CARHSP1: variants seen among roughly 807,000 people sequenced by gnomAD.
CARHSP1 encodes calcium-regulated heat-stable protein 1.
In CARHSP1, 14 loss-of-function variants were observed where a neutral mutation model predicts 12.5. The observed-to-expected ratio is 1.12, with a 90% CI of 0.74 to 1.75. CARHSP1 has a LOEUF of 1.75. CARHSP1 is among the 40% of genes most tolerant of loss of function. The probability of loss-of-function intolerance (pLI) is 0.00; values close to 1 mark genes in which losing one functional copy is unlikely to be tolerated. For synonymous variants in CARHSP1, 161 were observed against 82.0 expected (o/e 1.96, Z -5.20); for missense variants, 343 against 201.6 (o/e 1.70, Z -4.25).
At chr16:8,865,277 T>C (rs2061436177) in intron 1 of CARHSP1, among the ~76,000 whole-genome samples, 1 of 151,660 alleles carries the variant, frequency 6.6e-6, no homozygotes, top group Admixed American at 6.6e-5. Context: ...ACCCAGCCAA[T>C]TGTTGTATTT....
At chr16:8,859,646 A>G (rs2061281109) in intron 1 of CARHSP1, among the ~76,000 whole-genome samples, 1 of 151,968 alleles carries the variant, frequency 6.6e-6, no homozygotes, top group South Asian at 2.1e-4. Context: ...TGGGACACAT[A>G]GTATTTGTGG....
At chr16:8,860,302 TCA>T (rs1413841236) in intron 1 of CARHSP1, 1 of 982,832 alleles carries the variant, frequency 1.0e-6, no homozygotes, top group Non-Finnish European at 1.2e-6. Context: ...ACAGCCCGGG[TCA>T]CCACGCTGTT....
chr16:8,858,716 A>G, intron 2 of CARHSP1: 1 of 524,788 alleles, frequency 1.9e-6, no homozygotes, highest in East Asian at 3.1e-5. Flanking sequence ...GGAAAGAGGG[A>G]GTTGAACTAA....
chr16:8,868,937 T>A (rs2061488629), intron 1 of CARHSP1, 29 bp downstream of exon 1: 1 of 151,688 alleles, frequency 6.6e-6, no homozygotes, highest in African/African-American at 2.4e-5. Context: ...GGGGCGCCTA[T>A]CCTGGGGTCC....
In CARHSP1 at chr16:8,853,563, A is replaced by G. The variant is rs2061005044; in HGVS notation, c.*1601T>C. The G allele has an allele frequency of 1.3e-5, 2 of 152,192 alleles. No homozygotes were observed. Among genetic ancestry groups the G allele is most frequent in the African/African-American group, 4.8e-5 (2 of 41,448 alleles). 9.4% of individuals were successfully genotyped at this position (152,192 alleles called of 1,614,324 possible). On this transcript the variant is annotated 3_prime_UTR_variant, in exon 4 of 4. Coordinates refer to ENST00000311052, the MANE Select transcript of CARHSP1 (RefSeq NM_014316.4). The stretch of plus-strand genomic sequence containing the variant: ...AACTCATCAGAGTTGAGGAGTACCT[A>G]CCTGATGAAGCTGTTCATGCTTCCA...
chr16:8,856,301 C>G (rs897728367), intron 3 of CARHSP1, among the ~76,000 whole-genome samples: 2 of 152,114 alleles, frequency 1.3e-5, no homozygotes, highest in Non-Finnish European at 2.9e-5. Flanking sequence ...ATGCTAAATG[C>G]AAGGGCCAGC....
chr16:8,861,745 C>T (rs2061362132), intron 1 of CARHSP1: 1 of 1,285,980 alleles, frequency 7.8e-7, no homozygotes, highest in South Asian at 1.2e-5. Flanking sequence ...AAAAAGGCCC[C>T]AGCTGCTGGC....
Position 8,853,420 on chromosome 16 carries a change from A to AACAAC in CARHSP1, c.*1743_*1744insGTTGT, listed in dbSNP as rs148152436. 0.25 allele frequency: 37,305 copies of AACAAC among 151,884 alleles called. 4,703 individuals carry two copies. The highest frequency in any genetic ancestry group is 0.31 in the African/African-American group (12,775 of 41,366). The allele number at this position is 151,884 out of a possible 1,614,324, so 9.4% of individuals were successfully genotyped here. A position where few individuals can be genotyped will look rare whatever the true frequency, so the allele number is the denominator to read the frequency against. ...GTACAAGGAGCATCGCAGGCGAGGA[A>AACAAC]ACAATGGCCAGGACCTAACTGTGGT... On this transcript the variant is annotated 3_prime_UTR_variant, in exon 4 of 4. Coordinates refer to ENST00000311052, the MANE Select transcript of CARHSP1 (RefSeq NM_014316.4).
intron 3 of CARHSP1, 31 bp downstream of exon 3, chr16:8,858,319 G>A (rs768143874): frequency 1.2e-6 from 2 of 1,608,684 alleles, no homozygotes. Flanking sequence ...GCCCACCCCA[G>A]CCAGGCCACC....
At chr16:8,857,276 T>TTTTTTTTG (rs2061158577) in intron 3 of CARHSP1, among the ~76,000 whole-genome samples, 1 of 102,056 alleles carries the variant, frequency 9.8e-6, no homozygotes, top group Admixed American at 8.9e-5. Flanking sequence ...TTTTTTTTTT[T>TTTTTTTTG]TTTTTTTTTT....
At chr16:8,858,584 T>A (rs932459006) in intron 2 of CARHSP1, 112 bp from the exon 3 acceptor site, 2 of 1,335,728 alleles carry the variant, frequency 1.5e-6, no homozygotes, top group African/African-American at 2.9e-5. Flanking sequence ...AGGACCGCCA[T>A]GTACAGTCAC....
At position 8,855,058 on chromosome 16, in the gene CARHSP1, C is replaced by G. The variant is rs751293934; in HGVS notation, c.*106G>C. ...GGAGATACTTGAGAGGGACCATGCC[C>G]GGCTGAAGCCCCGTCTCGTGTGGAA... On this transcript the variant is annotated 3_prime_UTR_variant, in exon 4 of 4. Transcript: ENST00000311052. The G allele has an allele frequency of 2.8e-6, 3 of 1,081,976 alleles. No homozygotes were observed. Among genetic ancestry groups the G allele is most frequent in the South Asian group, 2.0e-5 (1 of 50,532 alleles). The allele number at this position is 1,081,976 out of a possible 1,614,324, so 67.0% of individuals were successfully genotyped here.
At chr16:8,862,498 T>A (rs993305653) in intron 1 of CARHSP1, among the ~76,000 whole-genome samples, 3 of 151,886 alleles carry the variant, frequency 2.0e-5, no homozygotes, top group African/African-American at 7.3e-5. Context: ...AATAAACAGT[T>A]AAATAAACAT....
Position 8,857,267 on chromosome 16 carries a change from T to TTTTTTGTTTG in CARHSP1, c.281+1082_281+1083insCAAACAAAAA, listed in dbSNP as rs2061154207. 1.2e-4 allele frequency among the ~76,000 whole-genome samples: 2 copies of TTTTTTGTTTG among 17,238 alleles called. 1 individual carries two copies. Among genetic ancestry groups the TTTTTTGTTTG allele is most frequent in the African/African-American group, 3.9e-4 (2 of 5,154 alleles). 11.3% of individuals were successfully genotyped at this position (17,238 alleles called of 152,430 possible). On this transcript the variant is annotated intron_variant, in intron 3 of 3. Transcript: ENST00000311052. ...TATGTGATCTTGGGCAGATCTGTTT[T>TTTTTTGTTTG]TTTTTTTTTTTTTTTTTTTTTTTTT...
At chr16:8,865,511 G>C (rs964683453) in intron 1 of CARHSP1, among the ~76,000 whole-genome samples, 2 of 152,204 alleles carry the variant, frequency 1.3e-5, no homozygotes, top group African/African-American at 4.8e-5. Flanking sequence ...TTGGCAAAGC[G>C]AGAACCTCTC....
At chr16:8,863,745 G>C (rs2061409233) in intron 1 of CARHSP1, among the ~76,000 whole-genome samples, 1 of 152,258 alleles carries the variant, frequency 6.6e-6, no homozygotes, top group East Asian at 1.9e-4. Context: ...GCCGGGCAAA[G>C]TCCAGCTGGA....
chr16:8,859,064 T>C, intron 2 of CARHSP1, 107 bp downstream of exon 2: 1 of 1,082,358 alleles, frequency 9.2e-7, no homozygotes, highest in Non-Finnish European at 1.3e-6. Flanking sequence ...GTCTGCCTAT[T>C]TGGCAGTCCG....
chr16:8,856,330 GTTTGT>G (rs1328299207), intron 3 of CARHSP1, among the ~76,000 whole-genome samples: 2 of 152,138 alleles, frequency 1.3e-5, no homozygotes, highest in Non-Finnish European at 2.9e-5. Context: ...CTAGTAACTG[GTTTGT>G]TTTGATTGGA....
In CARHSP1 at chr16:8,861,989, C is replaced by CTTTTTTTTTTTTTTTTTT. The variant is rs537614451; in HGVS notation, c.-7-2672_-7-2655dup. ...TTCTCCTGGAGTCAAGCATAGCTGA[C>CTTTTTTTTTTTTTTTTTT]TTTTTTTTTTTTTTTTTTTTTTTTT... On this transcript the variant is annotated intron_variant, in intron 1 of 3. Coordinates refer to ENST00000311052, the MANE Select transcript of CARHSP1 (RefSeq NM_014316.4). Among the ~76,000 whole-genome samples, 42 of 79,802 alleles carry CTTTTTTTTTTTTTTTTTT rather than the reference C, an allele frequency of 5.3e-4. 4 individuals carry two copies. Among genetic ancestry groups the CTTTTTTTTTTTTTTTTTT allele is most frequent in the Non-Finnish European group, 6.4e-4 (25 of 38,848 alleles). The allele number at this position is 79,802 out of a possible 152,430, so 52.4% of individuals were successfully genotyped here. A position where few individuals can be genotyped will look rare whatever the true frequency, so the allele number is the denominator to read the frequency against.
Sources: gnomAD v4.1 joint callset for allele counts (sites outside exome capture counted in the v4.1 genomes callset) on GRCh38, gnomAD v4.1.1 for gene constraint, MANE v1.5 for transcripts, NCBI Gene and HGNC (gene_info 2026-07-23, HGNC 2026-07-21) for gene names.